MAGI1: variants seen among roughly 807,000 people sequenced by gnomAD.
MAGI1 encodes the protein membrane associated guanylate kinase, WW and PDZ domain containing 1.
Under a neutral mutation model 139.9 loss-of-function variants are expected in MAGI1, and 58 were observed. That is an observed-to-expected ratio of 0.41 (90% CI 0.34 to 0.52). The LOEUF is 0.52. Ranked by LOEUF, MAGI1 falls within the 20% of genes least tolerant of loss-of-function variation. The probability of loss-of-function intolerance (pLI) is 0.12; values close to 1 mark genes in which losing one functional copy is unlikely to be tolerated. For missense variants in MAGI1, 1,874 were observed against 1,901.6 expected, an observed-to-expected ratio of 0.99 and a Z score of 0.27; for synonymous variants, 812 against 737.9, an observed-to-expected ratio of 1.10 and a Z score of -1.63.
intron 1 of MAGI1, among the ~76,000 whole-genome samples, chr3:65,964,548 A>G (rs1286214934): frequency 6.6e-6 from 1 of 152,170 alleles, no homozygotes; most frequent in Non-Finnish European, 1.5e-5. Flanking sequence ...GGGAACCACC[A>G]TCTCTTTCAT....
chr3:65,957,520 C>CAA (rs761240940), intron 1 of MAGI1, among the ~76,000 whole-genome samples: 422 of 30,852 alleles, frequency 0.014, 6 homozygotes, highest in Non-Finnish European at 0.018. Context: ...GACTTCATCT[C>CAA]AAAAAAAAAA....
intron 1 of MAGI1, among the ~76,000 whole-genome samples, chr3:65,709,653 T>C (rs1289037693): frequency 6.6e-6 from 1 of 152,226 alleles, no homozygotes. Context: ...GATCAGCCTT[T>C]CCATAACTTA....
At chr3:65,517,860 C>T (rs919882192) in intron 2 of MAGI1, among the ~76,000 whole-genome samples, 4 of 152,166 alleles carry the variant, frequency 2.6e-5, no homozygotes, top group African/African-American at 4.8e-5. Context: ...TCTGCTTTTT[C>T]AGATCTCCAA....
At chr3:65,568,629 C>T (rs1355550536) in intron 2 of MAGI1, among the ~76,000 whole-genome samples, 1 of 152,190 alleles carries the variant, frequency 6.6e-6, no homozygotes, top group Admixed American at 6.5e-5. Flanking sequence ...ACCTGTTTAG[C>T]GCCTGCTCTG....
At chr3:65,736,172 G>T (rs759686158) in intron 1 of MAGI1, among the ~76,000 whole-genome samples, 3 of 152,064 alleles carry the variant, frequency 2.0e-5, no homozygotes, top group Non-Finnish European at 4.4e-5. Flanking sequence ...GTTTTCTATG[G>T]GTCTTGCCAA....
chr3:65,675,287 C>A (rs760341254), intron 1 of MAGI1, among the ~76,000 whole-genome samples: 5 of 152,164 alleles, frequency 3.3e-5, no homozygotes, highest in Admixed American at 6.5e-5. Context: ...GCCTTAAAAA[C>A]AGAACCTCCA....
At chr3:65,525,673 C>T (rs1471461410) in intron 2 of MAGI1, among the ~76,000 whole-genome samples, 1 of 152,086 alleles carries the variant, frequency 6.6e-6, no homozygotes, top group Non-Finnish European at 1.5e-5. Context: ...TCACAGAGAG[C>T]CCCTGAGTTG....
intron 2 of MAGI1, among the ~76,000 whole-genome samples, chr3:65,585,891 C>T (rs1240868493): frequency 1.3e-5 from 2 of 151,942 alleles, no homozygotes; most frequent in Non-Finnish European, 1.5e-5. Flanking sequence ...TGCAACAATA[C>T]AAAGGAACAA....
At chr3:65,401,285 C>T (rs139946418) in intron 13 of MAGI1, among the ~76,000 whole-genome samples, 154 bp downstream of exon 13, 2,590 of 152,102 alleles carry the variant, frequency 0.017, 42 homozygotes, top group Non-Finnish European at 0.028. Context: ...AAACAGATCC[C>T]CAGAACTTAA....
chr3:65,645,125 GAA>G (rs2085190964), intron 1 of MAGI1, among the ~76,000 whole-genome samples: 1 of 151,494 alleles, frequency 6.6e-6, no homozygotes, highest in Non-Finnish European at 1.5e-5. Context: ...CCAAAAGAAA[GAA>G]AGAGTTAAAC....
intron 20 of MAGI1, 109 bp from the exon 21 acceptor site, chr3:65,363,717 CTTGT>C: frequency 1.2e-6 from 1 of 845,614 alleles, no homozygotes; most frequent in Non-Finnish European, 1.8e-6. Flanking sequence ...CTTGGTGACT[CTTGT>C]TTATTAATAA....
chr3:65,553,576 G>T (rs762644386), intron 2 of MAGI1, among the ~76,000 whole-genome samples: 2 of 152,156 alleles, frequency 1.3e-5, no homozygotes, highest in African/African-American at 4.8e-5. Flanking sequence ...CATCAATGTC[G>T]CAAGTGTATA....
rs1208907625 is a variant in MAGI1, at chr3:65,381,907, G to A, written c.2671C>T (p.Leu891Phe). 1 of 1,613,910 alleles carries A rather than the reference G, an allele frequency of 6.2e-7. No individual in the cohort carries two copies. The highest frequency in any genetic ancestry group is 1.7e-5 in the Admixed American group (1 of 59,982). The change falls in exon 16 of 23, where the codon CTC becomes TTC. Residue 891 changes from leucine (L) to phenylalanine (F), a missense_variant. By Grantham distance (22) the Leu-to-Phe change is conservative (BLOSUM62 0). Transcript: ENST00000402939. ...AAAACCACTTTACGCCGCACCGTGA[G>A]ATTGACGTGGCCTTGCTTGGCAGCT... is the stretch of plus-strand genomic sequence containing the variant. ...QQAAKQGHVN[L>F]TVRRKVVFAV...
At chr3:65,687,167 G>A (rs1168658862) in intron 1 of MAGI1, 2 of 156,596 alleles carry the variant, frequency 1.3e-5, no homozygotes, top group Non-Finnish European at 2.8e-5. Context: ...GGCTGAGGCA[G>A]GAGGATCGCA....
At chr3:65,764,748 A>T (rs1257849668) in intron 1 of MAGI1, among the ~76,000 whole-genome samples, 1 of 151,970 alleles carries the variant, frequency 6.6e-6, no homozygotes, top group Non-Finnish European at 1.5e-5. Flanking sequence ...AAGTCGTGTC[A>T]TTTAACTTGG....
chr3:65,460,744 T>C (rs943347006), intron 5 of MAGI1, among the ~76,000 whole-genome samples: 33 of 152,208 alleles, frequency 2.2e-4, no homozygotes, highest in African/African-American at 7.9e-4. Flanking sequence ...TTCCCCTCCC[T>C]GTGCCCATAT....
intron 8 of MAGI1, among the ~76,000 whole-genome samples, chr3:65,440,933 C>T (rs7642851): frequency 0.67 from 99,607 of 148,416 alleles, 33,400 homozygotes; most frequent in East Asian, 0.94. Flanking sequence ...CACACATATA[C>T]ACACACACAA....
intron 6 of MAGI1, 90 bp downstream of exon 6, chr3:65,453,168 A>G: frequency 9.1e-7 from 1 of 1,100,712 alleles, no homozygotes; most frequent in Non-Finnish European, 1.4e-6. Context: ...TCAACATAAG[A>G]CCCGACTGAC....
chr3:65,642,984 T>C (rs1289697027), intron 1 of MAGI1, among the ~76,000 whole-genome samples: 1 of 152,200 alleles, frequency 6.6e-6, no homozygotes, highest in Non-Finnish European at 1.5e-5. Context: ...AGCCCTAACA[T>C]AATATGCCAG....
Sources: allele counts gnomAD v4.1 joint callset (sites outside exome capture counted in the v4.1 genomes callset), GRCh38; gene constraint gnomAD v4.1.1; transcripts MANE v1.5; gene names NCBI Gene and HGNC (gene_info 2026-07-23, HGNC 2026-07-21).